Variants in TAF3 observed in about 807,000 individuals in gnomAD.
The protein encoded by TAF3 is transcription initiation factor TFIID subunit 3.
In TAF3, 7 loss-of-function variants were observed where a neutral mutation model predicts 80.6. That is an observed-to-expected ratio of 0.09 (90% CI 0.05 to 0.16). The LOEUF is 0.16. Ranked by LOEUF, TAF3 falls within the 10% of genes least tolerant of loss-of-function variation. The probability of loss-of-function intolerance (pLI) is 1.00; values close to 1 mark genes in which losing one functional copy is unlikely to be tolerated. For synonymous variants in TAF3, 444 were observed against 446.1 expected, an observed-to-expected ratio of 1.00 and a Z score of 0.06; for missense variants, 921 against 1,140.2, an observed-to-expected ratio of 0.81 and a Z score of 2.77.
chr10:7,827,239 T>C (rs1034635670), intron 2 of TAF3, among the ~76,000 whole-genome samples: 3 of 152,248 alleles, frequency 2.0e-5, no homozygotes, highest in Admixed American at 2.0e-4. Context: ...TCTTCCCAAG[T>C]CACTTTACCT....
chr10:7,936,218 A>G (rs1471828409), intron 2 of TAF3, among the ~76,000 whole-genome samples: 1 of 152,254 alleles, frequency 6.6e-6, no homozygotes, highest in African/African-American at 2.4e-5. Context: ...AAACAAGCAC[A>G]GTAACAATAT....
At chr10:8,005,572 T>G (rs1298653221) in intron 4 of TAF3, among the ~76,000 whole-genome samples, 2 of 152,224 alleles carry the variant, frequency 1.3e-5, no homozygotes, top group African/African-American at 4.8e-5. Flanking sequence ...ATTCGTCCTC[T>G]TCATCATAAC....
intron 4 of TAF3, among the ~76,000 whole-genome samples, chr10:8,003,484 A>C (rs1403017234): frequency 6.6e-6 from 1 of 152,240 alleles, no homozygotes; most frequent in Admixed American, 6.5e-5. Context: ...CCAAATGACC[A>C]ATGTATGACA....
At chr10:7,938,171 G>A (rs957058240) in intron 2 of TAF3, among the ~76,000 whole-genome samples, 2 of 152,158 alleles carry the variant, frequency 1.3e-5, no homozygotes, top group African/African-American at 4.8e-5. Flanking sequence ...ATCATCTGTG[G>A]CATCCCTGCC....
Position 7,921,107 on chromosome 10 carries a change from T to A in TAF3, c.410-42813T>A, listed in dbSNP as rs59228967. ...TATTTATTTTTTAAGGTTTTTTTTT[T>A]ACTCTTTCTTTACTGCAATGCCATA... On this transcript the variant is annotated intron_variant, in intron 2 of 6. Coordinates refer to ENST00000344293, the MANE Select transcript of TAF3 (RefSeq NM_031923.4). 7.2e-3 allele frequency among the ~76,000 whole-genome samples: 1,096 copies of A among 152,156 alleles called. 12 individuals carry two copies. The highest frequency in any genetic ancestry group is 0.025 in the African/African-American group (1,035 of 41,558).
At chr10:7,821,992 T>C (rs995222431) in intron 1 of TAF3, among the ~76,000 whole-genome samples, 1 of 152,098 alleles carries the variant, frequency 6.6e-6, no homozygotes, top group Non-Finnish European at 1.5e-5. Context: ...ATTCCAAGGG[T>C]GTCTGAGTAA....
rs10795583 is a variant in TAF3 at position 7,965,596 on chromosome 10, G to C, written c.2086G>C (p.Val696Leu). 0.61 allele frequency: 972,450 copies of C among 1,593,020 alleles called. 300,892 individuals carry two copies. The highest frequency in any genetic ancestry group is 0.75 in the Admixed American group (42,174 of 55,936). The change falls in exon 3 of 7, where the codon GTG becomes CTG. Residue 696 changes from valine to leucine, a missense_variant. By Grantham distance (32) the Val-to-Leu change is conservative (BLOSUM62 1). This residue lies in a region of TAF3 where 743 missense variants were observed against 821.0 expected (regional missense o/e 0.90). Coordinates refer to ENST00000344293, the MANE Select transcript of TAF3 (RefSeq NM_031923.4). ...AAAACTGTTTGAGGAGAAAGAGAAGGTGAAGGAGAAAGAAAAGAAAAAGGA... is the reference window on the plus strand; with the variant it reads ...AAAACTGTTTGAGGAGAAAGAGAAGCTGAAGGAGAAAGAAAAGAAAAAGGA... ...PEKLFEEKEK[V>L]KEKEKKKDKK...
chr10:7,851,878 A>G (rs1837030297), intron 2 of TAF3, among the ~76,000 whole-genome samples: 1 of 151,324 alleles, frequency 6.6e-6, no homozygotes, highest in Non-Finnish European at 1.5e-5. Context: ...TCAAACTCCC[A>G]GGCTTTAAGC....
chr10:7,902,286 G>C (rs1444312676), intron 2 of TAF3, among the ~76,000 whole-genome samples: 1 of 151,926 alleles, frequency 6.6e-6, no homozygotes, highest in Non-Finnish European at 1.5e-5. Flanking sequence ...AGCCAGGCCT[G>C]GTGGCACATG....
At position 7,895,733 on chromosome 10, in the gene TAF3, A is replaced by G. The variant is rs542170855; in HGVS notation, c.410-68187A>G. 7.9e-5 allele frequency among the ~76,000 whole-genome samples: 12 copies of G among 152,116 alleles called. No individual in the cohort carries two copies. In the South Asian group the frequency reaches 2.5e-3, roughly 32 times the overall value. ...TCCACTAATTGTGTGGCCTCTATCTACAGTTATAGAATTTTTGCTTTCTCA... is the reference window on the plus strand; with the variant it reads ...TCCACTAATTGTGTGGCCTCTATCTGCAGTTATAGAATTTTTGCTTTCTCA... On this transcript the variant is annotated intron_variant, in intron 2 of 6. Coordinates refer to ENST00000344293, the MANE Select transcript of TAF3 (RefSeq NM_031923.4).
Position 7,964,943 on chromosome 10 carries a change from A to C in TAF3, c.1433A>C (p.Lys478Thr). 3.1e-6 allele frequency: 5 copies of C among 1,614,100 alleles called. No individual in the cohort carries two copies. The highest frequency in any genetic ancestry group is 4.2e-6 in the Non-Finnish European group (5 of 1,180,008). The change falls in exon 3 of 7, where the codon AAA becomes ACA. Residue 478 changes from lysine to threonine, a missense_variant. By Grantham distance (78) the Lys-to-Thr change is moderately conservative. This residue lies in a region of TAF3 where 743 missense variants were observed against 821.0 expected (regional missense o/e 0.90). Coordinates refer to ENST00000344293, the MANE Select transcript of TAF3 (RefSeq NM_031923.4). This position sits in a 1 kb window ranked among gnomAD's most constrained non-coding sequence, Gnocchi z 4.1. Reference protein sequence around the residue: ...ASIDEVVRKAKLGTPSNMPPN... With the variant: ...ASIDEVVRKATLGTPSNMPPN... ...ATTGATGAGGTTGTACGTAAAGCAA[A>C]ACTGGGAACACCTTCAAATATGCCC...
At chr10:7,884,144 A>G (rs1289309228) in intron 2 of TAF3, among the ~76,000 whole-genome samples, 1 of 152,076 alleles carries the variant, frequency 6.6e-6, no homozygotes, top group Admixed American at 6.6e-5. Flanking sequence ...GGGTTTCGAC[A>G]TGAGTTTTGG....
At chr10:7,926,425 A>G (rs1340546478) in intron 2 of TAF3, among the ~76,000 whole-genome samples, 1 of 152,216 alleles carries the variant, frequency 6.6e-6, no homozygotes. Context: ...CTTTTCAAGT[A>G]TCTGATTAGG....
In TAF3 at chr10:7,964,122, G is replaced by T; in HGVS notation, c.612G>T (p.Thr204=). 6.2e-7 allele frequency: 1 copy of T among 1,614,102 alleles called. No homozygotes were observed. Among genetic ancestry groups the T allele is most frequent in the East Asian group, 2.2e-5 (1 of 44,872 alleles). The change falls in exon 3 of 7, where the codon ACG becomes ACT. Residue 204 remains threonine, a synonymous_variant. Coordinates refer to ENST00000344293, the MANE Select transcript of TAF3 (RefSeq NM_031923.4). The surrounding 1 kb of genome is among the most constrained non-coding windows in gnomAD (Gnocchi z 4.1). ...RPRLLSTKGD[T]LDVVLLEARE... is the part of the protein sequence containing the mutation. ...GGCTATTAAGCACTAAAGGGGACACGCTAGATGTTGTGTTATTGGAAGCTC... is the reference window on the plus strand; with the variant it reads ...GGCTATTAAGCACTAAAGGGGACACTCTAGATGTTGTGTTATTGGAAGCTC...
At chr10:7,887,145 T>C (rs1021525113) in intron 2 of TAF3, among the ~76,000 whole-genome samples, 10 of 151,428 alleles carry the variant, frequency 6.6e-5, no homozygotes, top group Admixed American at 2.6e-4. Flanking sequence ...AGGCAGAGAA[T>C]TGCTTGAACC....
At chr10:8,005,420 T>C (rs760636060) in intron 4 of TAF3, among the ~76,000 whole-genome samples, 5 of 152,250 alleles carry the variant, frequency 3.3e-5, no homozygotes, top group African/African-American at 4.8e-5. Context: ...CAAATTACTT[T>C]AAAGTATCCT....
intron 4 of TAF3, among the ~76,000 whole-genome samples, chr10:7,998,281 AT>A (rs1388952609): frequency 8.2e-5 from 12 of 147,230 alleles, no homozygotes; most frequent in Non-Finnish European, 1.6e-4. Context: ...ATATATATAT[AT>A]ATAAATTTAA....
At chr10:7,830,095 G>A (rs1024394743) in intron 2 of TAF3, among the ~76,000 whole-genome samples, 3 of 151,736 alleles carry the variant, frequency 2.0e-5, no homozygotes, top group Non-Finnish European at 2.9e-5. Flanking sequence ...GCATCTTCCC[G>A]TGTGACCTTT....
chr10:7,971,407 C>T (rs758617084), intron 3 of TAF3, among the ~76,000 whole-genome samples: 6 of 147,954 alleles, frequency 4.1e-5, no homozygotes, highest in Admixed American at 6.8e-5. Flanking sequence ...TCTGAACTAG[C>T]GCTTGCTAAA....
Sources: allele counts gnomAD v4.1 joint callset (sites outside exome capture counted in the v4.1 genomes callset), GRCh38; gene constraint gnomAD v4.1.1; regional missense constraint gnomAD v4.1.1; non-coding constraint Gnocchi (gnomAD v3.1); transcripts MANE v1.5; gene names NCBI Gene and HGNC (gene_info 2026-07-23, HGNC 2026-07-21).